MED12L: variants seen among roughly 807,000 people sequenced by gnomAD.
MED12L encodes mediator of RNA polymerase II transcription subunit 12-like protein.
In MED12L, 60 loss-of-function variants were observed where a neutral mutation model predicts 281.3. That is an observed-to-expected ratio of 0.21 (90% confidence interval 0.17 to 0.26). The LOEUF (loss-of-function observed/expected upper bound fraction) is 0.26. Ranked by LOEUF, MED12L falls within the 10% of genes least tolerant of loss-of-function variation. The pLI, the probability that MED12L is intolerant of heterozygous loss-of-function variation, is 1.00. For missense variants in MED12L, 2,146 were observed against 2,680.9 expected (o/e 0.80, Z 4.41); for synonymous variants, 974 against 987.2 (o/e 0.99, Z 0.25).
chr3:151,157,693 A>G (rs1719464150), intron 6 of MED12L, among the ~76,000 whole-genome samples: 2 of 152,306 alleles, frequency 1.3e-5, no homozygotes, highest in South Asian at 4.1e-4. Context: ...TGTCATGTCA[A>G]TGTGGCCTCA....
At chr3:151,321,805 T>G (rs1168451207) in intron 16 of MED12L, among the ~76,000 whole-genome samples, 1 of 152,214 alleles carries the variant, frequency 6.6e-6, no homozygotes, top group African/African-American at 2.4e-5. Context: ...TGCCTTTTTC[T>G]TTCCCTTTTA....
intron 11 of MED12L, 99 bp downstream of exon 11, chr3:151,166,081 T>G (rs1720679964): frequency 2.0e-6 from 2 of 988,634 alleles, no homozygotes; most frequent in Non-Finnish European, 1.5e-6. Flanking sequence ...TTCTATGAAG[T>G]GTAGTATCTT....
chr3:151,382,879 C>G (rs895773604), intron 33 of MED12L, 134 bp downstream of exon 33: 2 of 642,278 alleles, frequency 3.1e-6, no homozygotes, highest in East Asian at 6.0e-5. Context: ...TCTGTAATTA[C>G]TTCCCTGTTT....
intron 17 of MED12L, 31 bp from the exon 18 acceptor site, chr3:151,355,090 A>T (rs552556868): frequency 6.5e-7 from 1 of 1,538,910 alleles, no homozygotes; most frequent in Non-Finnish European, 9.0e-7. Flanking sequence ...TATTAAATGG[A>T]AAATAATGGA....
At chr3:151,212,767 TTGTC>T (rs974298115) in intron 16 of MED12L, 1 of 152,140 alleles carries the variant, frequency 6.6e-6, no homozygotes, top group Non-Finnish European at 1.5e-5. Flanking sequence ...TCTTAAGTGA[TTGTC>T]TGGGTGTCAG....
intron 5 of MED12L, among the ~76,000 whole-genome samples, chr3:151,130,871 G>A (rs1367559954): frequency 1.3e-5 from 2 of 152,080 alleles, no homozygotes; most frequent in Admixed American, 1.3e-4. Context: ...TTGATCATCT[G>A]TCTACATCCA....
intron 5 of MED12L, among the ~76,000 whole-genome samples, chr3:151,154,279 A>T (rs570962934): frequency 1.3e-5 from 2 of 152,120 alleles, no homozygotes; most frequent in Non-Finnish European, 2.9e-5. Flanking sequence ...AGAGGGCTTT[A>T]TTTATGGACT....
At chr3:151,192,440 G>A (rs1461742896) in intron 14 of MED12L, 110 bp from the exon 15 acceptor site, 11 of 785,416 alleles carry the variant, frequency 1.4e-5, no homozygotes, top group African/African-American at 5.1e-5. Flanking sequence ...AAAACAATAC[G>A]GGGAACAAAA....
At position 151,291,150 on chromosome 3, in the gene MED12L, G is replaced by GT. The variant is rs59482240; in HGVS notation, c.2251-58894dup. Reference sequence around the variant, plus strand: ...ACGCTTTATTTTGTCCTTGTTTTCTGTTTTTTTTTTTTTTTGTTTTTATTT... The same window carrying GT: ...ACGCTTTATTTTGTCCTTGTTTTCTGTTTTTTTTTTTTTTTTGTTTTTATTT... On this transcript the variant is annotated intron_variant, in intron 16 of 44. Coordinates refer to ENST00000687756, the MANE Select transcript of MED12L (RefSeq NM_001393769.1). Among the ~76,000 whole-genome samples the GT allele has an allele frequency of 4.1e-3, 519 of 127,508 alleles. 1 individual carries two copies. Among genetic ancestry groups the GT allele is most frequent in the East Asian group, 0.012 (54 of 4,596 alleles). 83.7% of individuals were successfully genotyped at this position (127,508 alleles called of 152,430 possible).
chr3:151,094,874 G>T (rs1306647805), intron 2 of MED12L, among the ~76,000 whole-genome samples: 3 of 152,178 alleles, frequency 2.0e-5, no homozygotes, highest in African/African-American at 7.2e-5. Context: ...AGAGAAATGG[G>T]TTTCTGTTAG....
intron 16 of MED12L, among the ~76,000 whole-genome samples, chr3:151,217,066 CTG>C (rs1728382191): frequency 6.6e-6 from 1 of 152,116 alleles, no homozygotes; most frequent in Non-Finnish European, 1.5e-5. Flanking sequence ...ATATAAAAAA[CTG>C]TAGCTGTTAT....
intron 16 of MED12L, chr3:151,200,855 G>A (rs1020796585): frequency 6.6e-6 from 1 of 152,180 alleles, no homozygotes; most frequent in Non-Finnish European, 1.5e-5. Flanking sequence ...GCTAGGTGTT[G>A]TTATTGTCCC....
intron 16 of MED12L, among the ~76,000 whole-genome samples, chr3:151,223,266 A>T (rs1043564516): frequency 6.6e-6 from 1 of 151,850 alleles, no homozygotes; most frequent in African/African-American, 2.4e-5. Context: ...TTCAGTCCCT[A>T]TTGAAAGCAG....
At position 151,357,215 on chromosome 3, in the gene MED12L, A is replaced by G. The variant is rs548049694; in HGVS notation, c.2664A>G (p.Leu888=). 4 of 1,593,014 alleles carry G rather than the reference A, an allele frequency of 2.5e-6. No homozygotes were observed. In the South Asian group the frequency reaches 3.4e-5, roughly 14 times the overall value. ...INGLIDFAIQ[L]LNELSVVEAE... The stretch of plus-strand genomic sequence containing the variant: ...TTCAGTCTTTTCTCCTGTTACAGTT[A>G]CTAAATGAACTGAGTGTTGTGGAAG... Residue 888 remains leucine (L), a splice_region_variant and synonymous_variant, in exon 20 of 45, where the codon TTA becomes TTG. Coordinates refer to ENST00000687756, the MANE Select transcript of MED12L (RefSeq NM_001393769.1).
chr3:151,339,448 G>C lies in MED12L; in HGVS notation c.2251-10611G>C, dbSNP rs528490692. ...TGAATCAGTAAAAAAAAAAAAAGCTGACCTTTTTTCTTTATATTTGGAAGA... is the reference window on the plus strand; with the variant it reads ...TGAATCAGTAAAAAAAAAAAAAGCTCACCTTTTTTCTTTATATTTGGAAGA... On this transcript the variant is annotated intron_variant, in intron 16 of 44. Transcript: ENST00000687756. 9.1e-4 allele frequency among the ~76,000 whole-genome samples: 133 copies of C among 146,392 alleles called. 1 individual carries two copies. In the East Asian group the frequency reaches 0.021, roughly 24 times the overall value.
intron 5 of MED12L, among the ~76,000 whole-genome samples, chr3:151,133,942 C>G (rs1051605655): frequency 6.6e-5 from 10 of 152,180 alleles, no homozygotes; most frequent in Non-Finnish European, 1.5e-4. Flanking sequence ...GAATTTTCCC[C>G]ATGAGGAGTC....
At chr3:151,147,093 C>A (rs1356921429) in intron 5 of MED12L, among the ~76,000 whole-genome samples, 2 of 152,140 alleles carry the variant, frequency 1.3e-5, no homozygotes, top group African/African-American at 4.8e-5. Context: ...TATTATGGGA[C>A]ATCAAACATG....
intron 5 of MED12L, among the ~76,000 whole-genome samples, chr3:151,137,297 A>C (rs546636717): frequency 4.1e-4 from 63 of 152,306 alleles, no homozygotes; most frequent in African/African-American, 1.5e-3. Flanking sequence ...AAATTGCCCC[A>C]AAATTGGCCA....
chr3:151,304,391 T>C (rs1000981797), intron 16 of MED12L, among the ~76,000 whole-genome samples: 1 of 152,100 alleles, frequency 6.6e-6, no homozygotes, highest in Admixed American at 6.6e-5. Context: ...GTGGCCAACA[T>C]GGTGAAACCC....
Sources: allele counts gnomAD v4.1 joint callset (sites outside exome capture counted in the v4.1 genomes callset), GRCh38; gene constraint gnomAD v4.1.1; transcripts MANE v1.5; gene names NCBI Gene and HGNC (gene_info 2026-07-23, HGNC 2026-07-21).